Variants in VOPP1 observed in about 807,000 individuals in gnomAD.
The protein encoded by VOPP1 is WW domain binding protein VOPP1.
Under a neutral mutation model 23.5 loss-of-function variants are expected in VOPP1, and 8 were observed. That is an observed-to-expected ratio of 0.34 (90% CI 0.20 to 0.61). The LOEUF (loss-of-function observed/expected upper bound fraction) is 0.61, where lower values mean the gene tolerates loss of function less well. Ranked by LOEUF, VOPP1 falls within the 20% of genes least tolerant of loss-of-function variation. The pLI is 0.78. For missense variants in VOPP1, 174 were observed against 238.1 expected, an observed-to-expected ratio of 0.73 and a Z score of 1.77; for synonymous variants, 83 against 97.3, an observed-to-expected ratio of 0.85 and a Z score of 0.86.
At chr7:55,525,124 T>G (rs7788791) in intron 1 of VOPP1, among the ~76,000 whole-genome samples, 52,332 of 151,840 alleles carry the variant, frequency 0.34, 9,490 homozygotes, top group African/African-American at 0.46. Flanking sequence ...CAGAGCTCTG[T>G]GTTCTGACCC....
intron 4 of VOPP1, among the ~76,000 whole-genome samples, chr7:55,491,198 CTCT>C (rs1336949638): frequency 2.0e-5 from 3 of 152,190 alleles, no homozygotes; most frequent in African/African-American, 7.2e-5. Flanking sequence ...GTTTTCTCTG[CTCT>C]TCTTGTTATT....
chr7:55,520,974 C>T (rs1207054902), intron 2 of VOPP1, 98 bp downstream of exon 2: 1 of 1,334,442 alleles, frequency 7.5e-7, no homozygotes, highest in African/African-American at 1.5e-5. Flanking sequence ...CTGGGCCACG[C>T]CGGGCTTTCC....
chr7:55,500,721 A>G (rs1254014847), intron 2 of VOPP1, among the ~76,000 whole-genome samples: 3 of 152,246 alleles, frequency 2.0e-5, no homozygotes, highest in East Asian at 3.8e-4. Flanking sequence ...CGTCTTGTTA[A>G]TTTTCAAAAC....
chr7:55,456,440 A>T (rs1156645652), intron 4 of VOPP1, among the ~76,000 whole-genome samples: 1 of 152,228 alleles, frequency 6.6e-6, no homozygotes, highest in Non-Finnish European at 1.5e-5. Context: ...CAGCAATCCC[A>T]TTACTGGGTA....
chr7:55,479,496 G>A (rs113138604), intron 4 of VOPP1, among the ~76,000 whole-genome samples: 2,001 of 152,228 alleles, frequency 0.013, 13 homozygotes, highest in Middle Eastern at 0.02. Context: ...TCAACTCTTA[G>A]AAATATTTCT....
intron 1 of VOPP1, among the ~76,000 whole-genome samples, chr7:55,536,730 C>T (rs980259930): frequency 6.6e-6 from 1 of 152,182 alleles, no homozygotes; most frequent in African/African-American, 2.4e-5. Flanking sequence ...CGTGTTCACA[C>T]CAAGGAGCAC....
intron 1 of VOPP1, among the ~76,000 whole-genome samples, chr7:55,528,253 A>G (rs1796302717): frequency 6.6e-6 from 1 of 152,232 alleles, no homozygotes; most frequent in Admixed American, 6.5e-5. Context: ...TTTGTTATAC[A>G]TTATAGGAAA....
At chr7:55,498,088 G>C (rs887674731) in intron 2 of VOPP1, among the ~76,000 whole-genome samples, 1 of 152,216 alleles carries the variant, frequency 6.6e-6, no homozygotes, top group Admixed American at 6.5e-5. Flanking sequence ...CCCGACTACG[G>C]GGAAAAGATG....
chr7:55,443,189 TTAGGTTCA>T (rs2128999799), intron 4 of VOPP1, among the ~76,000 whole-genome samples: 1 of 152,220 alleles, frequency 6.6e-6, no homozygotes, highest in South Asian at 2.1e-4. Flanking sequence ...GACGGAAAAT[TTAGGTTCA>T]AAAAGATATA....
At chr7:55,479,147 TTTC>T (rs1300328967) in intron 4 of VOPP1, among the ~76,000 whole-genome samples, 1 of 123,296 alleles carries the variant, frequency 8.1e-6, no homozygotes, top group African/African-American at 2.6e-5. Context: ...CAGAGAACAT[TTTC>T]TTTTTTTTTT....
At chr7:55,524,667 C>G (rs571992711) in intron 1 of VOPP1, among the ~76,000 whole-genome samples, 113 of 152,314 alleles carry the variant, frequency 7.4e-4, no homozygotes, top group African/African-American at 2.6e-3. Context: ...GTTGTTGAGG[C>G]TTTCCTTCAA....
chr7:55,552,542 A>G, intron 1 of VOPP1: 1 of 1,514,508 alleles, frequency 6.6e-7, no homozygotes, highest in Non-Finnish European at 8.9e-7. Context: ...CAACACAAGC[A>G]TGATTTTCCC....
At chr7:55,545,887 A>G (rs1797345445) in intron 1 of VOPP1, among the ~76,000 whole-genome samples, 1 of 151,118 alleles carries the variant, frequency 6.6e-6, no homozygotes, top group South Asian at 2.1e-4. Context: ...CGGGCCACAC[A>G]GCAAGACCCC....
chr7:55,446,094 T>G (rs815949), intron 4 of VOPP1, among the ~76,000 whole-genome samples: 46,134 of 151,426 alleles, frequency 0.3, 7,674 homozygotes, highest in East Asian at 0.55. Context: ...CTGTGTTCAT[T>G]CCATTCTCCT....
chr7:55,503,228 G>A (rs766841593), intron 2 of VOPP1, among the ~76,000 whole-genome samples: 5 of 152,160 alleles, frequency 3.3e-5, no homozygotes, highest in East Asian at 1.9e-4. Context: ...CCTGGGATTC[G>A]TCATGTAAAA....
At chr7:55,444,230 C>T (rs575832548) in intron 4 of VOPP1, among the ~76,000 whole-genome samples, 8 of 152,296 alleles carry the variant, frequency 5.3e-5, no homozygotes, top group Non-Finnish European at 1.2e-4. Flanking sequence ...GATCATCGGA[C>T]AAGAGTCATG....
chr7:55,435,302 G>A (rs568803228), downstream of VOPP1, among the ~76,000 whole-genome samples: 3 of 152,310 alleles, frequency 2.0e-5, no homozygotes, highest in African/African-American at 7.2e-5. Context: ...GTTTCAGGCT[G>A]GGGGGTAAAG....
At chr7:55,482,370 C>T (rs1386701634) in intron 4 of VOPP1, among the ~76,000 whole-genome samples, 1 of 138,992 alleles carries the variant, frequency 7.2e-6, no homozygotes, top group Non-Finnish European at 1.5e-5. Context: ...TTTTTTGAGA[C>T]GGAGTCTCAC....
At chr7:55,461,190 A>T (rs144867288) in intron 4 of VOPP1, among the ~76,000 whole-genome samples, 1,772 of 152,196 alleles carry the variant, frequency 0.012, 12 homozygotes, top group Admixed American at 0.02. Flanking sequence ...AGCTATGAGG[A>T]TGAAAGGCAT....
Sources: gnomAD v4.1 joint callset for allele counts (sites outside exome capture counted in the v4.1 genomes callset) on GRCh38, gnomAD v4.1.1 for gene constraint, MANE v1.5 for transcripts, NCBI Gene and HGNC (gene_info 2026-07-23, HGNC 2026-07-21) for gene names.